Variants in SHANK2 observed in about 807,000 individuals in gnomAD.
SHANK2 encodes the protein SH3 and multiple ankyrin repeat domains 2.
SHANK2 carries 43 observed loss-of-function variants against 133.7 expected under a neutral mutation model. That is an observed-to-expected ratio of 0.32 (90% confidence interval 0.25 to 0.41). The LOEUF (loss-of-function observed/expected upper bound fraction) is 0.41. Ranked by LOEUF, SHANK2 falls within the 10% of genes least tolerant of loss-of-function variation. The pLI is 1.00. For synonymous variants in SHANK2, 1,017 were observed against 952.8 expected (o/e 1.07, Z -1.24); for missense variants, 1,994 against 2,235.8 (o/e 0.89, Z 2.18).
At chr11:71,172,607 A>G (rs1953339670) in intron 2 of SHANK2, among the ~76,000 whole-genome samples, 1 of 151,228 alleles carries the variant, frequency 6.6e-6, no homozygotes, top group Non-Finnish European at 1.5e-5. Context: ...CAAAAAAAAA[A>G]AAAAAGAAAA....
At chr11:70,818,781 G>A (rs557802231) in intron 12 of SHANK2, among the ~76,000 whole-genome samples, 2 of 152,308 alleles carry the variant, frequency 1.3e-5, no homozygotes, top group African/African-American at 4.8e-5. Flanking sequence ...ATCAGGCCTC[G>A]ACCCTGTCTA....
At chr11:70,926,987 G>A (rs1950436852) in intron 10 of SHANK2, among the ~76,000 whole-genome samples, 1 of 152,116 alleles carries the variant, frequency 6.6e-6, no homozygotes, top group Non-Finnish European at 1.5e-5. Flanking sequence ...CTCCTGCTGG[G>A]TCCCTTTCCA....
intron 14 of SHANK2, among the ~76,000 whole-genome samples, chr11:70,791,148 A>G (rs1485557299): frequency 6.6e-6 from 1 of 152,216 alleles, no homozygotes; most frequent in Non-Finnish European, 1.5e-5. Context: ...AAATGGGTGG[A>G]AAGCTTTAGA....
chr11:70,676,301 G>A (rs989225568), intron 15 of SHANK2, among the ~76,000 whole-genome samples: 5 of 152,198 alleles, frequency 3.3e-5, no homozygotes, highest in African/African-American at 4.8e-5. Flanking sequence ...ATGACCCTAT[G>A]GAATAGTTTT....
At chr11:70,528,288 C>T (rs528730095) in intron 17 of SHANK2, among the ~76,000 whole-genome samples, 8 of 152,258 alleles carry the variant, frequency 5.3e-5, no homozygotes, top group Non-Finnish European at 7.4e-5. Context: ...CCCTAGTATC[C>T]GGTGGAAGCA....
intron 21 of SHANK2, among the ~76,000 whole-genome samples, chr11:70,494,454 C>T (rs565639158): frequency 1.3e-5 from 2 of 152,098 alleles, no homozygotes; most frequent in East Asian, 1.9e-4. Context: ...CCACCATGCC[C>T]GGCTAATTTT....
At chr11:71,064,894 A>G (rs1951029574) in intron 9 of SHANK2, among the ~76,000 whole-genome samples, 1 of 152,122 alleles carries the variant, frequency 6.6e-6, no homozygotes. Flanking sequence ...TCACTGCCAG[A>G]GCTCAGGGCA....
intron 4 of SHANK2, among the ~76,000 whole-genome samples, chr11:71,115,463 G>A (rs545894388): frequency 9.2e-5 from 14 of 152,002 alleles, no homozygotes; most frequent in East Asian, 3.8e-4. Flanking sequence ...AGCGAGACTC[G>A]GTCTCAAAAA....
intron 2 of SHANK2, among the ~76,000 whole-genome samples, chr11:71,163,093 A>AAAAAAAATATAT: frequency 2.4e-5 from 2 of 84,676 alleles, no homozygotes; most frequent in African/African-American, 9.2e-5. Flanking sequence ...AAAAAAAAAA[A>AAAAAAAATATAT]ATACATATAT....
chr11:70,613,143 G>T (rs1311503551), intron 17 of SHANK2, among the ~76,000 whole-genome samples: 4 of 152,226 alleles, frequency 2.6e-5, no homozygotes, highest in African/African-American at 9.6e-5. Context: ...TTTCATATTA[G>T]TGGGCAATGA....
intron 14 of SHANK2, among the ~76,000 whole-genome samples, chr11:70,718,690 A>G: frequency 2.6e-5 from 3 of 115,348 alleles, no homozygotes; most frequent in Admixed American, 8.6e-5. Flanking sequence ...TTTTTGATAG[A>G]GCTCATTCTC....
chr11:70,677,924 C>T (rs1565234736), intron 15 of SHANK2, among the ~76,000 whole-genome samples: 1 of 152,208 alleles, frequency 6.6e-6, no homozygotes, highest in African/African-American at 2.4e-5. Context: ...AAGGTTCCAG[C>T]CCTCTGTTCC....
rs61885904 is a variant in SHANK2 at position 70,577,173 on chromosome 11, G to A, written c.2062-74242C>T. Among the ~76,000 whole-genome samples the A allele has an allele frequency of 3.8e-3, 581 of 152,312 alleles. 5 individuals carry two copies. Among genetic ancestry groups the A allele is most frequent in the Non-Finnish European group, 5.7e-3 (390 of 68,024 alleles). ...CCGTGGAGCCCAGACAGCCCCAGGA[G>A]GACTCGTGATCCCCGTGGGGTGAGA... On this transcript the variant is annotated intron_variant, in intron 17 of 25. Transcript: ENST00000601538.
intron 6 of SHANK2, among the ~76,000 whole-genome samples, chr11:71,109,261 GC>G (rs1203087590): frequency 6.6e-6 from 1 of 152,222 alleles, no homozygotes; most frequent in East Asian, 1.9e-4. Flanking sequence ...CTGGTGCCCT[GC>G]TGGCAAGAGA....
intron 15 of SHANK2, among the ~76,000 whole-genome samples, chr11:70,676,768 T>C (rs1352893969): frequency 6.6e-6 from 1 of 152,196 alleles, no homozygotes; most frequent in Non-Finnish European, 1.5e-5. Context: ...TGGGAAACAC[T>C]GACCCAGCCC....
intron 17 of SHANK2, among the ~76,000 whole-genome samples, chr11:70,652,688 G>A (rs1191407614): frequency 6.6e-6 from 1 of 151,998 alleles, no homozygotes; most frequent in Non-Finnish European, 1.5e-5. Context: ...GTGCGTGCCT[G>A]TAGTCTGAAC....
chr11:71,185,977 G>A (rs184089315), intron 2 of SHANK2, among the ~76,000 whole-genome samples: 42 of 152,250 alleles, frequency 2.8e-4, no homozygotes, highest in African/African-American at 9.1e-4. Context: ...ACAATGGTAC[G>A]GTGACACCCC....
At chr11:70,515,479 TC>T (rs1554969834) in intron 17 of SHANK2, among the ~76,000 whole-genome samples, 1 of 152,080 alleles carries the variant, frequency 6.6e-6, no homozygotes, top group African/African-American at 2.4e-5. Flanking sequence ...GAAATTCTTT[TC>T]AAGTTTATCT....
intron 17 of SHANK2, among the ~76,000 whole-genome samples, chr11:70,506,727 T>C (rs2059142180): frequency 1.3e-5 from 2 of 152,114 alleles, no homozygotes; most frequent in Non-Finnish European, 2.9e-5. Context: ...CTGGTCCTGG[T>C]GGGCCTGCAC....
Sources: allele counts gnomAD v4.1 joint callset (sites outside exome capture counted in the v4.1 genomes callset), GRCh38; gene constraint gnomAD v4.1.1; transcripts MANE v1.5; gene names NCBI Gene and HGNC (gene_info 2026-07-23, HGNC 2026-07-21).